Variants in SLC44A3 observed in about 807,000 individuals in gnomAD.
SLC44A3 encodes the protein solute carrier family 44 member 3, also known as choline transporter-like protein 3.
In SLC44A3, 74 loss-of-function variants were observed where a neutral mutation model predicts 75.4. The ratio of observed to expected loss-of-function variants is 0.98; its 90% CI spans 0.81 to 1.19. SLC44A3 has a LOEUF of 1.19. SLC44A3 is among the 50% of genes most tolerant of loss of function. The pLI, the probability that SLC44A3 is intolerant of heterozygous loss-of-function variation, is 0.00. For missense variants in SLC44A3, 700 were observed against 778.6 expected (o/e 0.90, Z 1.20); for synonymous variants, 310 against 296.9 (o/e 1.04, Z -0.45).
intron 10 of SLC44A3, among the ~76,000 whole-genome samples, chr1:94,861,028 G>T (rs559293330): frequency 2.0e-5 from 3 of 152,142 alleles, no homozygotes; most frequent in African/African-American, 4.8e-5. Context: ...TTGGTGAAGC[G>T]TTCGGTGAGG....
chr1:94,849,621 G>A (rs72958573), intron 9 of SLC44A3, among the ~76,000 whole-genome samples: 4,339 of 152,320 alleles, frequency 0.028, 80 homozygotes, highest in African/African-American at 0.066. Context: ...TGGCGAGCCC[G>A]CTGCACAGTG....
intron 12 of SLC44A3, among the ~76,000 whole-genome samples, chr1:94,886,750 ACAGTCCCAGGTGAC>A (rs1301444282): frequency 1.3e-5 from 2 of 152,096 alleles, no homozygotes; most frequent in Non-Finnish European, 2.9e-5. Context: ...GCCACTCGGG[ACAGTCCCAGGTGAC>A]CAGTCCATTA....
At chr1:94,852,524 CAG>C (rs1665346573) in intron 9 of SLC44A3, among the ~76,000 whole-genome samples, 1 of 152,154 alleles carries the variant, frequency 6.6e-6, no homozygotes, top group African/African-American at 2.4e-5. Flanking sequence ...AGAGGGGAGT[CAG>C]GGTGCACACA....
intron 10 of SLC44A3, among the ~76,000 whole-genome samples, chr1:94,859,508 A>C (rs891545007): frequency 1.3e-5 from 2 of 152,350 alleles, no homozygotes; most frequent in South Asian, 4.1e-4. Context: ...GACAAATAAG[A>C]TGCAGCCTGA....
intron 10 of SLC44A3, among the ~76,000 whole-genome samples, chr1:94,859,758 C>A (rs765425320): frequency 6.6e-6 from 1 of 152,170 alleles, no homozygotes; most frequent in African/African-American, 2.4e-5. Context: ...AAAGCCTAAA[C>A]ACTGAAATGA....
chr1:94,828,630 C>T, intron 5 of SLC44A3, 44 bp downstream of exon 5: 1 of 1,547,760 alleles, frequency 6.5e-7, no homozygotes. Flanking sequence ...ACAAAAGTTA[C>T]TGGGTACTTG....
chr1:94,854,709 G>A (rs1173096703), intron 9 of SLC44A3, among the ~76,000 whole-genome samples: 1 of 151,926 alleles, frequency 6.6e-6, no homozygotes, highest in Non-Finnish European at 1.5e-5. Context: ...CTAAACCAAT[G>A]GTTCTCAAGC....
At chr1:94,821,228 G>T (rs1286466617) in intron 2 of SLC44A3, among the ~76,000 whole-genome samples, 172 bp downstream of exon 2, 3 of 152,180 alleles carry the variant, frequency 2.0e-5, no homozygotes, top group African/African-American at 7.2e-5. Flanking sequence ...TCGCTAGAAA[G>T]GCTGTCTTTT....
intron 12 of SLC44A3, among the ~76,000 whole-genome samples, chr1:94,882,073 A>G (rs1669066811): frequency 6.6e-6 from 1 of 152,178 alleles, no homozygotes; most frequent in Non-Finnish European, 1.5e-5. Flanking sequence ...AGTCCCATAG[A>G]CATCCACTGA....
At chr1:94,877,142 G>A (rs199832170) in intron 12 of SLC44A3, among the ~76,000 whole-genome samples, 14 of 151,566 alleles carry the variant, frequency 9.2e-5, no homozygotes, top group Admixed American at 2.0e-4. Context: ...AAAAAAGGTC[G>A]GGGGCAGACC....
At chr1:94,891,078 TAAA>T in intron 12 of SLC44A3, 49 bp from the exon 13 acceptor site, 1 of 1,531,868 alleles carries the variant, frequency 6.5e-7, no homozygotes, top group Non-Finnish European at 8.8e-7. Flanking sequence ...TATATTGCCT[TAAA>T]AACAATTGTT....
At chr1:94,827,161 C>T (rs1251433093) in intron 3 of SLC44A3, among the ~76,000 whole-genome samples, 1 of 152,152 alleles carries the variant, frequency 6.6e-6, no homozygotes, top group Admixed American at 6.5e-5. Context: ...CCGTGGAGTC[C>T]ATTGAATAGT....
At chr1:94,882,924 C>A (rs1669154932) in intron 12 of SLC44A3, among the ~76,000 whole-genome samples, 1 of 148,390 alleles carries the variant, frequency 6.7e-6, no homozygotes, top group Non-Finnish European at 1.5e-5. Flanking sequence ...TTAATCCAAC[C>A]ATTCTGCTGA....
intron 9 of SLC44A3, among the ~76,000 whole-genome samples, chr1:94,849,347 A>AC (rs1052931939): frequency 3.9e-4 from 59 of 151,760 alleles, no homozygotes; most frequent in African/African-American, 1.2e-3. Context: ...CAGAGCCACC[A>AC]CCCCCCTTCC....
At chr1:94,866,383 C>T (rs888072021) in intron 11 of SLC44A3, among the ~76,000 whole-genome samples, 1 of 152,118 alleles carries the variant, frequency 6.6e-6, no homozygotes, top group Non-Finnish European at 1.5e-5. Context: ...TATCACTTCC[C>T]AGATCCCACA....
At chr1:94,847,030 GGGGCTCCCT>G (rs1557833782) in intron 9 of SLC44A3, among the ~76,000 whole-genome samples, 2 of 152,242 alleles carry the variant, frequency 1.3e-5, no homozygotes, top group Admixed American at 6.5e-5. Flanking sequence ...TCTTCTACTA[GGGGCTCCCT>G]GGAAGCTCGC....
At chr1:94,841,794 G>C (rs534893107) in intron 7 of SLC44A3, among the ~76,000 whole-genome samples, 2 of 152,316 alleles carry the variant, frequency 1.3e-5, no homozygotes, top group African/African-American at 4.8e-5. Context: ...CCCAGAACTT[G>C]TGGGTCCTCT....
intron 12 of SLC44A3, among the ~76,000 whole-genome samples, chr1:94,875,503 C>T (rs572888793): frequency 1.3e-5 from 2 of 149,960 alleles, no homozygotes; most frequent in South Asian, 2.1e-4. Context: ...TCTTCTCTTC[C>T]TTGCCCCTTC....
At chr1:94,844,770 G>A (rs1664176629) in intron 8 of SLC44A3, among the ~76,000 whole-genome samples, 1 of 152,190 alleles carries the variant, frequency 6.6e-6, no homozygotes, top group African/African-American at 2.4e-5. Context: ...AAAACAGTAA[G>A]AGACGGCAGT....
Sources: allele counts gnomAD v4.1 joint callset (sites outside exome capture counted in the v4.1 genomes callset), GRCh38; gene constraint gnomAD v4.1.1; transcripts MANE v1.5; gene names NCBI Gene and HGNC (gene_info 2026-07-23, HGNC 2026-07-21).